GSG1: variants seen among roughly 807,000 people sequenced by gnomAD.
The protein encoded by GSG1 is germ cell-specific gene 1 protein.
GSG1 carries 28 observed loss-of-function variants against 30.8 expected under a neutral mutation model. The observed-to-expected ratio is 0.91, with a 90% CI of 0.67 to 1.25. GSG1 has a LOEUF of 1.25. Ranked by LOEUF, GSG1 falls within the 50% of genes most tolerant of loss-of-function variation. GSG1 has a pLI of 0.00. For missense variants in GSG1, 435 were observed against 444.7 expected (o/e 0.98, Z 0.20); for synonymous variants, 162 against 178.0 (o/e 0.91, Z 0.71).
chr12:13,092,917 G>A (rs1866293483), intron 1 of GSG1, among the ~76,000 whole-genome samples: 2 of 151,336 alleles, frequency 1.3e-5, no homozygotes, highest in African/African-American at 4.9e-5. Context: ...TCAGCCTCCC[G>A]AGTAGCTGGG....
chr12:13,099,941 G>A (rs1367194328), intron 1 of GSG1, among the ~76,000 whole-genome samples: 3 of 152,100 alleles, frequency 2.0e-5, no homozygotes, highest in Non-Finnish European at 2.9e-5. Context: ...TTCGGCTATC[G>A]CCGGTCTGAT....
At chr12:13,085,968 C>T (rs1316423549) in intron 6 of GSG1, among the ~76,000 whole-genome samples, 2 of 152,110 alleles carry the variant, frequency 1.3e-5, no homozygotes, top group Admixed American at 6.6e-5. Context: ...CATTAGGCAA[C>T]CATATTAAAC....
rs547131625 is a variant in GSG1 at position 13,096,315 on chromosome 12, C to T, written c.49-5497G>A. ...GCTGAAATCCCGTCTCTACTAAAAA[C>T]ACAAAAAAATTAGCCGGGCCTGGTG... On this transcript the variant is annotated intron_variant, in intron 1 of 6. Coordinates refer to ENST00000651961, the MANE Select transcript of GSG1 (RefSeq NM_001080555.4). Among the ~76,000 whole-genome samples, 5 of 151,596 alleles carry T rather than the reference C, an allele frequency of 3.3e-5. No homozygotes were observed. In the East Asian group the frequency reaches 9.7e-4, roughly 30 times the overall value.
intron 1 of GSG1, chr12:13,095,833 C>G: frequency 6.9e-7 from 1 of 1,442,214 alleles, no homozygotes; most frequent in Non-Finnish European, 9.2e-7. Context: ...CCCAGCTGTT[C>G]TGGGAGATTA....
Position 13,090,377 on chromosome 12 carries a change from GGT to G in GSG1, c.364+124_364+125del, listed in dbSNP as rs571000472. ...GGGAGAAGGGAGTGAGGCCCACTGG[GGT>G]GTGGGCAGTGCTGCACTTCCAGGGC... is the stretch of plus-strand genomic sequence containing the variant. On this transcript the variant is annotated intron_variant, in intron 2 of 6. Coordinates refer to ENST00000651961, the MANE Select transcript of GSG1 (RefSeq NM_001080555.4). 1.5e-3 allele frequency: 1,180 copies of G among 783,568 alleles called. 13 individuals carry two copies. The South Asian group carries it at 0.019, about 12-fold the overall frequency. The allele number at this position is 783,568 out of a possible 1,614,324, so 48.5% of individuals were successfully genotyped here. A position where few individuals can be genotyped will look rare whatever the true frequency, so the allele number is the denominator to read the frequency against.
In GSG1 at chr12:13,090,815, C is replaced by G; in HGVS notation, c.52G>C (p.Glu18Gln). The G allele has an allele frequency of 2.5e-6, 4 of 1,608,176 alleles. No individual in the cohort carries two copies. The highest frequency in any genetic ancestry group is 1.7e-4 in the Middle Eastern group (1 of 6,046). ...TQNVCLTQEM[E>Q]LSKAFSGQRT... The stretch of plus-strand genomic sequence containing the variant: ...TGGCCAGAGAAGGCCTTCGAGAGCT[C>G]CATCTGTAATAGACAAGCACAAGTG... The change falls in exon 2 of 7, where the codon GAG (glutamate) becomes CAG (glutamine). Residue 18 changes from glutamate (E) to glutamine (Q), a missense_variant. Glu to Gln is a conservative substitution (Grantham distance 29). Coordinates refer to ENST00000651961, the MANE Select transcript of GSG1 (RefSeq NM_001080555.4).
rs1472628497 is a variant in GSG1, at chr12:13,090,735, T to C, written c.132A>G (p.Thr44=). 4 of 1,614,164 alleles carry C rather than the reference T, an allele frequency of 2.5e-6. No individual in the cohort carries two copies. Among genetic ancestry groups the C allele is most frequent in the Admixed American group, 3.3e-5 (2 of 60,022 alleles). ...LSMLSLSFST[T]SLLSNYWFVG... ...CAAACCAGTAGTTGCTGAGCAGGGA[T>C]GTTGTGGAGAAGCTGAGTGATAGCA... The change falls in exon 2 of 7, where the codon ACA becomes ACG. Residue 44 remains threonine, a synonymous_variant. Transcript: ENST00000651961.
intron 1 of GSG1, among the ~76,000 whole-genome samples, chr12:13,100,895 T>C (rs1412115842): frequency 6.6e-6 from 1 of 152,186 alleles, no homozygotes; most frequent in Non-Finnish European, 1.5e-5. Flanking sequence ...CTTCCTAACG[T>C]AGGTCCCGAG....
At chr12:13,086,361 G>A (rs1413570825) in intron 6 of GSG1, among the ~76,000 whole-genome samples, 2 of 152,166 alleles carry the variant, frequency 1.3e-5, no homozygotes, top group Non-Finnish European at 2.9e-5. Flanking sequence ...AAAGGGGATA[G>A]GGCCTCACAA....
chr12:13,103,340 C>T (rs1863352855), intron 1 of GSG1, 125 bp downstream of exon 1: 3 of 783,636 alleles, frequency 3.8e-6, no homozygotes, highest in Non-Finnish European at 6.7e-6. Flanking sequence ...AGTGCATTTC[C>T]AAGCTCTTTA....
rs76506983 is a variant in GSG1, at chr12:13,086,378, T to C, written c.746+774A>G. Reference sequence around the variant, plus strand: ...AGGGGATAGGGCCTCACAACAGACTTGCAGGCTTCCTTCCCCGAATGGAAA... The same window carrying C: ...AGGGGATAGGGCCTCACAACAGACTCGCAGGCTTCCTTCCCCGAATGGAAA... On this transcript the variant is annotated intron_variant, in intron 6 of 6. Transcript: ENST00000651961. Among the ~76,000 whole-genome samples the C allele has an allele frequency of 5.6e-3, 846 of 152,322 alleles. 5 individuals are homozygous for C. Among genetic ancestry groups the C allele is most frequent in the Non-Finnish European group, 0.01 (697 of 68,028 alleles).
rs1866409211 is a variant in GSG1 at position 13,093,916 on chromosome 12, T to C, written c.49-3098A>G. ...AGTGGTGGCTTGGAGCCAGATTTAA[T>C]TGGACTTAGAGAAGTAATTTGGCAA... On this transcript the variant is annotated intron_variant, in intron 1 of 6. Transcript: ENST00000651961. The surrounding 1 kb of genome is among the most constrained non-coding windows in gnomAD (Gnocchi z 4.6). Among the ~76,000 whole-genome samples, 1 of 152,238 alleles carries C rather than the reference T, an allele frequency of 6.6e-6. No homozygotes were observed. Among genetic ancestry groups the C allele is most frequent in the African/African-American group, 2.4e-5 (1 of 41,456 alleles).
chr12:13,088,723 T>G (rs773082335), intron 4 of GSG1, 139 bp downstream of exon 4: 1 of 1,609,010 alleles, frequency 6.2e-7, no homozygotes, highest in East Asian at 2.2e-5. Flanking sequence ...TGTAAATTCC[T>G]TATCAGACAC....
chr12:13,089,154 G>A (rs889800434), intron 3 of GSG1, 54 bp downstream of exon 3: 3 of 1,514,916 alleles, frequency 2.0e-6, no homozygotes, highest in African/African-American at 2.8e-5. Flanking sequence ...ACATAGCTTA[G>A]TGTTCCCATT....
At chr12:13,098,052 A>C (rs1242551791) in intron 1 of GSG1, among the ~76,000 whole-genome samples, 1 of 152,214 alleles carries the variant, frequency 6.6e-6, no homozygotes, top group Non-Finnish European at 1.5e-5. Flanking sequence ...ATGTGCAGGT[A>C]CATTTTCTGC....
chr12:13,099,398 T>C (rs564801448), intron 1 of GSG1, among the ~76,000 whole-genome samples: 5 of 152,344 alleles, frequency 3.3e-5, no homozygotes, highest in Admixed American at 2.0e-4. Flanking sequence ...CTCTGGCATG[T>C]TGGACTGTGA....
chr12:13,101,139 C>A lies in GSG1; in HGVS notation c.48+2326G>T, dbSNP rs953961175. Among the ~76,000 whole-genome samples the A allele has an allele frequency of 2.6e-5, 4 of 152,158 alleles. No homozygotes were observed. The highest frequency in any genetic ancestry group is 9.6e-5 in the African/African-American group (4 of 41,518). On this transcript the variant is annotated intron_variant, in intron 1 of 6. Transcript: ENST00000651961. The surrounding 1 kb of genome is among the most constrained non-coding windows in gnomAD (Gnocchi z 5.8). Reference sequence around the variant, plus strand: ...ATCGCTCACGCGCGGGTGACGGCGCCAGCAGGCCGGCTGGGGCCGGGGGCG... The same window carrying A: ...ATCGCTCACGCGCGGGTGACGGCGCAAGCAGGCCGGCTGGGGCCGGGGGCG...
At chr12:13,089,055 G>C in intron 3 of GSG1, 146 bp from the exon 4 acceptor site, 1 of 1,269,802 alleles carries the variant, frequency 7.9e-7, no homozygotes, top group Non-Finnish European at 1.1e-6. Flanking sequence ...GAATGCCTGG[G>C]TGAATGAATG....
Position 13,089,200 on chromosome 12 carries a change from AC to A in GSG1, c.433+7del. On this transcript the variant is annotated splice_region_variant and intron_variant, in intron 3 of 6. Coordinates refer to ENST00000651961, the MANE Select transcript of GSG1 (RefSeq NM_001080555.4). The stretch of plus-strand genomic sequence containing the variant: ...AGAAGAGTTAATGATCTTAGTGTTA[AC>A]TAATACCTTTTGCTGCCGCTGTACC... 1 of 1,553,660 alleles carries A rather than the reference AC, an allele frequency of 6.4e-7. No homozygotes were observed. The highest frequency in any genetic ancestry group is 8.7e-7 in the Non-Finnish European group (1 of 1,148,042).
Sources: gnomAD v4.1 joint callset for allele counts (sites outside exome capture counted in the v4.1 genomes callset) on GRCh38, gnomAD v4.1.1 for gene constraint, Gnocchi (gnomAD v3.1) non-coding constraint, MANE v1.5 for transcripts, NCBI Gene and HGNC (gene_info 2026-07-23, HGNC 2026-07-21) for gene names.